RYR3: variants seen among roughly 807,000 people sequenced by gnomAD.
RYR3 encodes brain ryanodine receptor-calcium release channel.
Under a neutral mutation model 584.3 loss-of-function variants are expected in RYR3, and 207 were observed. The observed-to-expected ratio is 0.35, with a 90% CI of 0.32 to 0.40. RYR3 has a LOEUF of 0.40. Ranked by LOEUF, RYR3 falls within the 10% of genes least tolerant of loss-of-function variation. The pLI, the probability that RYR3 is intolerant of heterozygous loss-of-function variation, is 1.00. For synonymous variants in RYR3, 2,416 were observed against 2,248.5 expected (o/e 1.07, Z -2.11); for missense variants, 5,616 against 6,089.2 (o/e 0.92, Z 2.59).
intron 94 of RYR3, chr15:33,849,651 G>A (rs1478740011): frequency 6.6e-6 from 1 of 152,132 alleles, no homozygotes; most frequent in East Asian, 1.9e-4. Context: ...GGGCCAAATA[G>A]TAAACAAAGG....
rs1567047151 is a variant in RYR3 at position 33,336,482 on chromosome 15, GAGAGAAAGAA to G, written c.51+25390_51+25399del. ...AGAGAGAGAGAGAGAGAGAGAGAGA[GAGAGAAAGAA>G]AGAAAGAAAGAAGGAGGGAAGGAGG... On this transcript the variant is annotated intron_variant, in intron 1 of 103. Coordinates refer to ENST00000634891, the MANE Select transcript of RYR3 (RefSeq NM_001036.6). Among the ~76,000 whole-genome samples the G allele has an allele frequency of 2.1e-4, 9 of 41,916 alleles. 3 individuals are homozygous for G. The African/African-American group carries it at 2.2e-3, about 10-fold the overall frequency. 27.5% of individuals were successfully genotyped at this position (41,916 alleles called of 152,430 possible).
chr15:33,834,922 C>A, intron 86 of RYR3, 46 bp from the exon 87 acceptor site: 3 of 1,506,124 alleles, frequency 2.0e-6, no homozygotes, highest in South Asian at 1.1e-5. Context: ...GGTTTCAGAG[C>A]AACTTGTGAT....
At chr15:33,322,811 A>G (rs979524968) in intron 1 of RYR3, among the ~76,000 whole-genome samples, 1 of 151,890 alleles carries the variant, frequency 6.6e-6, no homozygotes, top group African/African-American at 2.4e-5. Context: ...TCAGGTCACC[A>G]TTGTCACTGT....
intron 1 of RYR3, among the ~76,000 whole-genome samples, chr15:33,427,200 G>C (rs2044723348): frequency 6.6e-6 from 1 of 152,200 alleles, no homozygotes; most frequent in Admixed American, 6.5e-5. Context: ...ATGTGAGTCT[G>C]TGGGTATTCA....
rs139301333 is a variant in RYR3 at position 33,789,243 on chromosome 15, G to A, written c.9830+785G>A. 2.1e-3 allele frequency among the ~76,000 whole-genome samples: 322 copies of A among 152,218 alleles called. 2 individuals carry two copies. The Middle Eastern group carries it at 0.027, about 13-fold the overall frequency. On this transcript the variant is annotated intron_variant, in intron 67 of 103. Transcript: ENST00000634891. ...GAGTCCAGGCCTAGGACGCCACTGT[G>A]AGGACTCTGACTTTTACTCTGAGTC...
At chr15:33,448,820 C>T (rs2046880634) in intron 1 of RYR3, among the ~76,000 whole-genome samples, 3 of 152,018 alleles carry the variant, frequency 2.0e-5, no homozygotes, top group Non-Finnish European at 4.4e-5. Flanking sequence ...CAGTCAGCTC[C>T]TGAGGGTCAA....
At chr15:33,476,488 A>G (rs1421099538) in intron 2 of RYR3, among the ~76,000 whole-genome samples, 1 of 152,212 alleles carries the variant, frequency 6.6e-6, no homozygotes, top group African/African-American at 2.4e-5. Flanking sequence ...GCCTTTGCCC[A>G]CGTGTACCTG....
chr15:33,749,636 G>A (rs541936084), intron 55 of RYR3, among the ~76,000 whole-genome samples: 3 of 152,246 alleles, frequency 2.0e-5, no homozygotes, highest in Admixed American at 6.5e-5. Flanking sequence ...CCAACTCCCC[G>A]TCTGAGGTCA....
intron 3 of RYR3, among the ~76,000 whole-genome samples, chr15:33,504,443 C>T (rs1485744072): frequency 3.3e-5 from 5 of 152,128 alleles, no homozygotes; most frequent in Admixed American, 6.5e-5. Flanking sequence ...CAAATTCAAC[C>T]ATTTCTCTCC....
At chr15:33,467,190 A>G (rs1379089006) in intron 1 of RYR3, among the ~76,000 whole-genome samples, 1 of 152,184 alleles carries the variant, frequency 6.6e-6, no homozygotes, top group Non-Finnish European at 1.5e-5. Context: ...ATCATTATGG[A>G]TTTTCCTCTG....
Position 33,772,168 on chromosome 15 carries a change from A to G in RYR3, c.9055+10A>G, listed in dbSNP as rs977910664. On this transcript the variant is annotated intron_variant, in intron 63 of 103. Transcript: ENST00000634891. Reference sequence around the variant, plus strand: ...GGAATGGATCTACTCTGTGAGTTCTACTGGTATTTGTCGTGGATGTATGTG... The same window carrying G: ...GGAATGGATCTACTCTGTGAGTTCTGCTGGTATTTGTCGTGGATGTATGTG... 1 of 1,574,190 alleles carries G rather than the reference A, an allele frequency of 6.4e-7. No individual in the cohort carries two copies. The highest frequency in any genetic ancestry group is 1.1e-5 in the South Asian group (1 of 89,170).
intron 48 of RYR3, among the ~76,000 whole-genome samples, chr15:33,733,211 T>C (rs1233967954): frequency 6.6e-6 from 1 of 152,194 alleles, no homozygotes; most frequent in Non-Finnish European, 1.5e-5. Flanking sequence ...CTAAATATAC[T>C]CTTAACTATA....
chr15:33,477,768 G>C (rs1229306788), intron 2 of RYR3, among the ~76,000 whole-genome samples: 2 of 139,076 alleles, frequency 1.4e-5, no homozygotes, highest in Admixed American at 6.8e-5. Context: ...CCAGCTACTC[G>C]GGAGGCTGAG....
intron 67 of RYR3, among the ~76,000 whole-genome samples, chr15:33,789,184 A>C (rs115470014): frequency 0.035 from 5,399 of 152,142 alleles, 333 homozygotes; most frequent in African/African-American, 0.12. Flanking sequence ...GGGGAAGAGC[A>C]GTAGAAGATG....
chr15:33,829,075 C>G lies in RYR3; in HGVS notation c.11334+1788C>G, dbSNP rs1670637416. Among the ~76,000 whole-genome samples the G allele has an allele frequency of 2.0e-5, 3 of 152,046 alleles. No homozygotes were observed. The South Asian group carries it at 6.2e-4, about 32-fold the overall frequency. On this transcript the variant is annotated intron_variant, in intron 85 of 103. Transcript: ENST00000634891. ...AAGAATTATGGTAAATCTACTCTGC[C>G]CATGCTCTATGTATGGAAAAACAAA...
At chr15:33,549,917 G>A (rs570529875) in intron 9 of RYR3, among the ~76,000 whole-genome samples, 118 of 152,264 alleles carry the variant, frequency 7.7e-4, no homozygotes, top group Non-Finnish European at 1.6e-3. Context: ...ACTTCCAGTT[G>A]TATGAAGCCA....
rs917466433 is a variant in RYR3, at chr15:33,390,356, G to A, written c.51+79260G>A. 8.5e-5 allele frequency among the ~76,000 whole-genome samples: 13 copies of A among 152,294 alleles called. No homozygotes were observed. Among genetic ancestry groups the A allele is most frequent in the Non-Finnish European group, 1.3e-4 (9 of 68,034 alleles). ...ACCTGGGGGTCTCTAAATTTCACCT[G>A]ACCTATTGAACACTAATATTTCCAA... On this transcript the variant is annotated intron_variant, in intron 1 of 103. Coordinates refer to ENST00000634891, the MANE Select transcript of RYR3 (RefSeq NM_001036.6). The surrounding 1 kb of genome is among the most constrained non-coding windows in gnomAD (Gnocchi z 4.2).
chr15:33,696,364 A>T lies in RYR3; in HGVS notation c.6007A>T (p.Thr2003Ser). 1 of 1,613,862 alleles carries T rather than the reference A, an allele frequency of 6.2e-7. No homozygotes were observed. The highest frequency in any genetic ancestry group is 8.5e-7 in the Non-Finnish European group (1 of 1,179,872). ...GGAGCTGCTGCAGGCGCTGCGGAAG[A>T]CCTACACCATCAGCCACACCTCTGT... ...IGELLQALRK[T>S]YTISHTSVSD... The change falls in exon 39 of 104, where the codon ACC (threonine) becomes TCC (serine). Residue 2003 changes from threonine (T) to serine (S), a missense_variant. Physicochemically the swap from Thr to Ser is moderately conservative, Grantham distance 58. Around this residue, in one of 9 missense-constraint regions of RYR3, gnomAD observed 1,280 missense variants for 1,426.2 expected, o/e 0.90. Coordinates refer to ENST00000634891, the MANE Select transcript of RYR3 (RefSeq NM_001036.6).
intron 2 of RYR3, 149 bp downstream of exon 2, chr15:33,473,687 T>G: frequency 4.9e-6 from 4 of 813,382 alleles, no homozygotes; most frequent in Non-Finnish European, 5.7e-6. Context: ...GTTTAAACCA[T>G]AACTTTCCAC....
Sources: gnomAD v4.1 joint callset for allele counts (sites outside exome capture counted in the v4.1 genomes callset) on GRCh38, gnomAD v4.1.1 for gene constraint, gnomAD v4.1.1 regional missense constraint, Gnocchi (gnomAD v3.1) non-coding constraint, MANE v1.5 for transcripts, NCBI Gene and HGNC (gene_info 2026-07-23, HGNC 2026-07-21) for gene names.